ST18: variants seen among roughly 807,000 people sequenced by gnomAD.
ST18 encodes ST18 C2H2C-type zinc finger transcription factor.
ST18 carries 50 observed loss-of-function variants against 110.0 expected under a neutral mutation model. That is an observed-to-expected ratio of 0.45 (90% CI 0.36 to 0.58). The LOEUF (loss-of-function observed/expected upper bound fraction) is 0.58, where lower values mean the gene tolerates loss of function less well. ST18 is among the 20% of genes least tolerant of loss of function. ST18 has a pLI of 0.00. For missense variants in ST18, 1,306 were observed against 1,280.1 expected (o/e 1.02, Z -0.31); for synonymous variants, 461 against 452.4 (o/e 1.02, Z -0.24).
At chr8:52,285,022 G>A (rs760227670) in intron 2 of ST18, among the ~76,000 whole-genome samples, 2 of 152,132 alleles carry the variant, frequency 1.3e-5, no homozygotes, top group Middle Eastern at 3.2e-3. Context: ...CTAACTATAC[G>A]AGCTGTTCAA....
chr8:52,311,341 A>G (rs2095903871), intron 2 of ST18, among the ~76,000 whole-genome samples: 1 of 152,116 alleles, frequency 6.6e-6, no homozygotes, highest in Non-Finnish European at 1.5e-5. Flanking sequence ...TGCAACCTAA[A>G]GCCTAATGTT....
At chr8:52,154,347 CAAGT>C (rs2059521089) in intron 15 of ST18, 1 of 152,194 alleles carries the variant, frequency 6.6e-6, no homozygotes, top group Non-Finnish European at 1.5e-5. Context: ...ACATTTCAAG[CAAGT>C]GTCAATTTTT....
In ST18 at chr8:52,408,678, A is replaced by G. The variant is rs78621436; in HGVS notation, c.-465+650T>C. ...CTTCTGAGCCTCCTTCAAAATACCC[A>G]TTCAAAAGTCCAAAATAATGTTCAT... On this transcript the variant is annotated intron_variant, in intron 2 of 25. Transcript: ENST00000689386. Among the ~76,000 whole-genome samples, 338 of 152,342 alleles carry G rather than the reference A, an allele frequency of 2.2e-3. 1 individual carries two copies. The highest frequency in any genetic ancestry group is 4.0e-3 in the Non-Finnish European group (269 of 68,034).
chr8:52,236,869 C>A (rs2092753612), intron 2 of ST18, among the ~76,000 whole-genome samples: 1 of 152,084 alleles, frequency 6.6e-6, no homozygotes, highest in Non-Finnish European at 1.5e-5. Flanking sequence ...TTGGGGAGGA[C>A]AGCAATAAAT....
intron 2 of ST18, among the ~76,000 whole-genome samples, chr8:52,395,835 G>A (rs917547195): frequency 6.6e-6 from 1 of 152,122 alleles, no homozygotes; most frequent in African/African-American, 2.4e-5. Context: ...TGGTGGGATA[G>A]GCCAAAACAT....
chr8:52,400,083 G>C (rs1342114640), intron 2 of ST18, among the ~76,000 whole-genome samples: 1 of 151,832 alleles, frequency 6.6e-6, no homozygotes, highest in South Asian at 2.1e-4. Flanking sequence ...TATATACTTA[G>C]GTATTCCAAT....
At chr8:52,301,656 T>TG (rs1050547551) in intron 2 of ST18, among the ~76,000 whole-genome samples, 4 of 152,220 alleles carry the variant, frequency 2.6e-5, no homozygotes, top group Non-Finnish European at 5.9e-5. Context: ...AAAGATAAAT[T>TG]ATTGTCACAT....
At chr8:52,158,777 G>C (rs2133031175) in intron 15 of ST18, 121 bp downstream of exon 15, 6 of 1,133,662 alleles carry the variant, frequency 5.3e-6, no homozygotes, top group East Asian at 2.4e-5. Context: ...CTGAGACAGG[G>C]AGGGGATCGC....
At chr8:52,131,920 C>T (rs774651048) in intron 22 of ST18, 38 bp downstream of exon 22, 2 of 1,604,976 alleles carry the variant, frequency 1.2e-6, no homozygotes, top group South Asian at 1.1e-5. Context: ...GACAACCGAT[C>T]ACAACACTAC....
At chr8:52,311,454 C>T (rs2095906998) in intron 2 of ST18, among the ~76,000 whole-genome samples, 1 of 152,136 alleles carries the variant, frequency 6.6e-6, no homozygotes, top group African/African-American at 2.4e-5. Context: ...GTTCTATTGT[C>T]TCATCAAAAA....
chr8:52,188,268 A>G (rs562804180), intron 8 of ST18, among the ~76,000 whole-genome samples: 2 of 152,202 alleles, frequency 1.3e-5, no homozygotes, highest in Non-Finnish European at 2.9e-5. Context: ...AGAGTTTGAG[A>G]TCATGTGGTC....
chr8:52,267,887 C>G (rs1377403382), intron 2 of ST18, among the ~76,000 whole-genome samples: 2 of 152,298 alleles, frequency 1.3e-5, no homozygotes, highest in East Asian at 3.9e-4. Context: ...ACTGCTGTCT[C>G]ATTTCCACTT....
At chr8:52,257,066 C>T (rs1322878229) in intron 2 of ST18, among the ~76,000 whole-genome samples, 1 of 152,098 alleles carries the variant, frequency 6.6e-6, no homozygotes, top group Non-Finnish European at 1.5e-5. Flanking sequence ...ATATGTTGTC[C>T]TTTATTACTG....
chr8:52,295,870 C>T (rs2095627718), intron 2 of ST18, among the ~76,000 whole-genome samples: 1 of 152,056 alleles, frequency 6.6e-6, no homozygotes, highest in African/African-American at 2.4e-5. Context: ...AGCCAGCCTG[C>T]CTCCCAGTAT....
At chr8:52,370,412 C>CTG (rs72081816) in intron 2 of ST18, among the ~76,000 whole-genome samples, 2 of 149,746 alleles carry the variant, frequency 1.3e-5, no homozygotes, top group African/African-American at 2.5e-5. Context: ...ATGCGTGTGA[C>CTG]TGTGTGTGTG....
intron 18 of ST18, 94 bp downstream of exon 18, chr8:52,137,327 G>T: frequency 7.6e-7 from 1 of 1,310,292 alleles, no homozygotes; most frequent in African/African-American, 1.5e-5. Flanking sequence ...CTCATTTCCT[G>T]CTTCAGATAA....
chr8:52,371,180 G>T (rs1007025262), intron 2 of ST18, among the ~76,000 whole-genome samples: 8 of 152,152 alleles, frequency 5.3e-5, no homozygotes, highest in Admixed American at 5.2e-4. Context: ...ACTGCCTCCT[G>T]GCTCTATGAG....
intron 2 of ST18, among the ~76,000 whole-genome samples, chr8:52,308,916 G>C (rs1434472150): frequency 6.6e-6 from 1 of 152,244 alleles, no homozygotes; most frequent in African/African-American, 2.4e-5. Flanking sequence ...AAGTAAGCTA[G>C]TGTTCGCCAT....
chr8:52,137,511 A>G lies in ST18; in HGVS notation c.2169-28T>C, dbSNP rs377255018. The stretch of plus-strand genomic sequence containing the variant: ...GAGTCAATAGAAAATACATCATTAG[A>G]GTCAAGCGCATTTCCCAGGTTCATT... On this transcript the variant is annotated intron_variant, in intron 17 of 25. Coordinates refer to ENST00000689386, the MANE Select transcript of ST18 (RefSeq NM_001352837.2). 122 of 1,612,116 alleles carry G rather than the reference A, an allele frequency of 7.6e-5. No individual in the cohort carries two copies. In the African/African-American group the frequency reaches 9.7e-4, roughly 13 times the overall value.
Sources: gnomAD v4.1 joint callset for allele counts (sites outside exome capture counted in the v4.1 genomes callset) on GRCh38, gnomAD v4.1.1 for gene constraint, MANE v1.5 for transcripts, NCBI Gene and HGNC (gene_info 2026-07-23, HGNC 2026-07-21) for gene names.